The following NR4A1 variants were observed in gnomAD, a reference collection of about 807,000 sequenced individuals.
NR4A1 encodes the protein nuclear receptor subfamily 4immunitygroup A member 1.
NR4A1 carries 24 observed loss-of-function variants against 47.5 expected under a neutral mutation model. The ratio of observed to expected loss-of-function variants is 0.50; its 90% CI spans 0.37 to 0.71. The LOEUF (loss-of-function observed/expected upper bound fraction) is 0.71, where lower values mean the gene tolerates loss of function less well. Among genes scored for constraint, NR4A1 ranks in the 30% least tolerant of loss-of-function variants. The pLI is 0.00. For synonymous variants in NR4A1, 353 were observed against 345.7 expected (o/e 1.02, Z -0.24); for missense variants, 669 against 788.6 (o/e 0.85, Z 1.82).
intron 1 of NR4A1, among the ~76,000 whole-genome samples, chr12:52,025,564 C>T (rs1180350175): frequency 6.6e-6 from 1 of 152,210 alleles, no homozygotes; most frequent in Non-Finnish European, 1.5e-5. Context: ...GTATCGCTAG[C>T]GCCCTCTATC....
chr12:52,025,621 C>T lies in NR4A1; in HGVS notation c.-84+2682C>T, dbSNP rs149609033. 3.7e-3 allele frequency among the ~76,000 whole-genome samples: 558 copies of T among 152,304 alleles called. 2 individuals are homozygous for T. Among genetic ancestry groups the T allele is most frequent in the African/African-American group, 0.01 (425 of 41,562 alleles). On this transcript the variant is annotated intron_variant, in intron 1 of 7. Coordinates refer to the NR4A1 transcript ENST00000360284. ...CTCTGTTTTTCTTCATTGCACTTCT[C>T]GTTATGTGCCGTTCTCTTATAAATG...
At chr12:52,040,569 C>T (rs1387647364) in intron 1 of NR4A1, among the ~76,000 whole-genome samples, 1 of 152,132 alleles carries the variant, frequency 6.6e-6, no homozygotes, top group Non-Finnish European at 1.5e-5. Context: ...TAAAGGTGCT[C>T]CAGATGTTCC....
At chr12:52,047,788 CT>C (rs1938713804), upstream of NR4A1, among the ~76,000 whole-genome samples, 1 of 152,224 alleles carries the variant, frequency 6.6e-6, no homozygotes, top group African/African-American at 2.4e-5. Context: ...GTCTGTGCCA[CT>C]TTTTACAAAT....
chr12:52,046,660 C>T (rs538509512), upstream of NR4A1, among the ~76,000 whole-genome samples: 41 of 152,256 alleles, frequency 2.7e-4, no homozygotes, highest in African/African-American at 7.2e-4. Context: ...TGAAGAAATA[C>T]GTTCCTCTCA....
intron 1 of NR4A1, chr12:52,053,502 G>T (rs1400341132): frequency 7.0e-6 from 1 of 143,590 alleles, no homozygotes; most frequent in Non-Finnish European, 1.5e-5. Context: ...CCAGGGGGCT[G>T]TGGTCTCCTT....
chr12:52,055,300 T>A, intron 2 of NR4A1, 96 bp downstream of exon 2: 1 of 1,510,842 alleles, frequency 6.6e-7, no homozygotes, highest in Non-Finnish European at 8.9e-7. Flanking sequence ...GTTCTCCTCC[T>A]AGCTAAGTCC....
Position 52,054,969 on chromosome 12 carries a change from C to G in NR4A1, c.641C>G (p.Ala214Gly). The change falls in exon 2 of 7, where the codon GCC becomes GGC. Residue 214 changes from alanine (A) to glycine (G), a missense_variant. Transcript: ENST00000394825. ...QSPLKLFPSQ[A>G]THQLGEGESY... is the part of the protein sequence containing the mutation. Reference sequence around the variant, plus strand: ...CCCCTGAAGTTGTTCCCCTCACAGGCCACCCACCAGCTGGGGGAGGGAGAG... The same window carrying G: ...CCCCTGAAGTTGTTCCCCTCACAGGGCACCCACCAGCTGGGGGAGGGAGAG... 6.2e-7 allele frequency: 1 copy of G among 1,614,218 alleles called. No homozygotes were observed. The highest frequency in any genetic ancestry group is 8.5e-7 in the Non-Finnish European group (1 of 1,180,038).
At chr12:52,037,723 C>T (rs1203348038) in intron 1 of NR4A1, 1 of 985,338 alleles carries the variant, frequency 1.0e-6, no homozygotes, top group Non-Finnish European at 1.2e-6. Flanking sequence ...CATTTCTCCG[C>T]CGGCTGCGGG....
At chr12:52,036,798 G>A (rs947692372) in intron 1 of NR4A1, among the ~76,000 whole-genome samples, 3 of 144,930 alleles carry the variant, frequency 2.1e-5, no homozygotes, top group Admixed American at 6.7e-5. Flanking sequence ...CAGCCGAATC[G>A]CTGTGACTTT....
intron 1 of NR4A1, among the ~76,000 whole-genome samples, chr12:52,030,381 T>C (rs563810648): frequency 6.6e-6 from 1 of 152,326 alleles, no homozygotes; most frequent in South Asian, 2.1e-4. Flanking sequence ...CTGCTACTTC[T>C]CAGCTGTGTG....
At chr12:52,036,423 A>G (rs989459730) in intron 1 of NR4A1, among the ~76,000 whole-genome samples, 1 of 152,190 alleles carries the variant, frequency 6.6e-6, no homozygotes, top group Non-Finnish European at 1.5e-5. Context: ...CTCAGTATCT[A>G]CTGTGTACAA....
Position 52,054,563 on chromosome 12 carries a change from T to C in NR4A1, c.235T>C (p.Ser79Pro). 1.9e-6 allele frequency: 3 copies of C among 1,614,098 alleles called. No individual in the cohort carries two copies. Among genetic ancestry groups the C allele is most frequent in the Non-Finnish European group, 2.5e-6 (3 of 1,179,980 alleles). Residue 79 changes from serine to proline, a missense_variant, in exon 2 of 7, where the codon TCC (serine) becomes CCC (proline). Coordinates refer to ENST00000394825, the MANE Select transcript of NR4A1 (RefSeq NM_173157.3). ...YQLPGTVQPC[S>P]SASSSASSTS... ...GCTGCCAGGAACAGTCCAGCCATGC[T>C]CCTCAGCCTCCTCCTCGGCCTCCTC...
At chr12:52,034,101 A>G (rs1303309632) in intron 1 of NR4A1, among the ~76,000 whole-genome samples, 1 of 152,106 alleles carries the variant, frequency 6.6e-6, no homozygotes, top group Non-Finnish European at 1.5e-5. Flanking sequence ...TCCCACCCTC[A>G]GGATCTCAGC....
At position 52,057,261 on chromosome 12, in the gene NR4A1, TGA is replaced by T; in HGVS notation, c.1361+6_1361+7del. 6.2e-7 allele frequency: 1 copy of T among 1,613,384 alleles called. No individual in the cohort carries two copies. Among genetic ancestry groups the T allele is most frequent in the Non-Finnish European group, 8.5e-7 (1 of 1,179,712 alleles). ...CTTCATCCTCCGCCTGGCGTACAGG[TGA>T]GAGCCACTGACTGTCTGCCCAGCCC... On this transcript the variant is annotated splice_donor_region_variant and intron_variant, in intron 5 of 6. Coordinates refer to ENST00000394825, the MANE Select transcript of NR4A1 (RefSeq NM_173157.3).
intron 1 of NR4A1, among the ~76,000 whole-genome samples, chr12:52,040,892 G>A (rs1182059051): frequency 6.6e-6 from 1 of 152,162 alleles, no homozygotes; most frequent in African/African-American, 2.4e-5. Context: ...CCCTCACTCT[G>A]GTGCGTAGTC....
chr12:52,025,554 G>A (rs184338545), intron 1 of NR4A1, among the ~76,000 whole-genome samples: 1 of 152,134 alleles, frequency 6.6e-6, no homozygotes, highest in Non-Finnish European at 1.5e-5. Flanking sequence ...TGGCCGTTCC[G>A]TATCGCTAGC....
chr12:52,041,679 G>A (rs886197290), intron 1 of NR4A1: 12 of 1,044,906 alleles, frequency 1.1e-5, no homozygotes, highest in South Asian at 4.4e-5. Context: ...GTCCTTGGGC[G>A]CTGGCTTGTC....
At chr12:52,050,879 G>A (rs1339312819), upstream of NR4A1, among the ~76,000 whole-genome samples, 1 of 152,170 alleles carries the variant, frequency 6.6e-6, no homozygotes, top group Non-Finnish European at 1.5e-5. Flanking sequence ...GCCCAGCAGC[G>A]GCAGCAGCGA....
intron 1 of NR4A1, among the ~76,000 whole-genome samples, chr12:52,040,646 C>T (rs1565642821): frequency 6.6e-6 from 1 of 152,042 alleles, no homozygotes; most frequent in Non-Finnish European, 1.5e-5. Context: ...CCCACAGGAT[C>T]GGGAGGGAGG....
Sources: gnomAD v4.1 joint callset for allele counts (sites outside exome capture counted in the v4.1 genomes callset) on GRCh38, gnomAD v4.1.1 for gene constraint, MANE v1.5 for transcripts, NCBI Gene and HGNC (gene_info 2026-07-23, HGNC 2026-07-21) for gene names.